The following RUFY3 variants were observed in gnomAD, a reference collection of about 807,000 sequenced individuals.
RUFY3 encodes the protein protein RUFY3.
A neutral mutation model predicts 84.0 loss-of-function variants in RUFY3; 34 were observed. The observed-to-expected ratio is 0.40, with a 90% CI of 0.31 to 0.54. RUFY3 has a LOEUF of 0.54. Ranked by LOEUF, RUFY3 falls within the 20% of genes least tolerant of loss-of-function variation. The probability of loss-of-function intolerance (pLI) is 0.39; values close to 1 mark genes in which losing one functional copy is unlikely to be tolerated. For missense variants in RUFY3, 507 were observed against 736.8 expected, an observed-to-expected ratio of 0.69 and a Z score of 3.61; for synonymous variants, 242 against 252.9, an observed-to-expected ratio of 0.96 and a Z score of 0.41.
upstream of RUFY3, among the ~76,000 whole-genome samples, chr4:70,720,318 G>A (rs144853571): frequency 8.8e-3 from 1,333 of 152,142 alleles, 17 homozygotes; most frequent in African/African-American, 0.03. Flanking sequence ...CAAAGTGCTG[G>A]GATTACAGGC....
chr4:70,765,209 G>GTGTATATA (rs144995233), intron 4 of RUFY3, among the ~76,000 whole-genome samples: 2 of 137,208 alleles, frequency 1.5e-5, no homozygotes, highest in African/African-American at 2.7e-5. Flanking sequence ...AAAAAAATGT[G>GTGTATATA]TATATATATA....
At chr4:70,759,362 GTGTGTGTGTA>G (rs1399940113) in intron 1 of RUFY3, among the ~76,000 whole-genome samples, 244 of 103,328 alleles carry the variant, frequency 2.4e-3, no homozygotes, top group African/African-American at 7.0e-3. Flanking sequence ...GAATTTGTGT[GTGTGTGTGTA>G]TGTGTGTGTG....
rs1327983150 is a variant in RUFY3 at position 70,722,058 on chromosome 4, G to A, written c.-516G>A. ...ATCCCAGCTCATCTGAGCAGATCCT[G>A]GAAGTGATTTCTGCAGCTCAGGATT... On this transcript the variant is annotated 5_prime_UTR_variant, in exon 1 of 18. Transcript: ENST00000381006. 8 of 1,232,004 alleles carry A rather than the reference G, an allele frequency of 6.5e-6. No individual in the cohort carries two copies. Among genetic ancestry groups the A allele is most frequent in the Non-Finnish European group, 8.1e-6 (8 of 987,978 alleles). The allele number at this position is 1,232,004 out of a possible 1,614,324, so 76.3% of individuals were successfully genotyped here. A position where few individuals can be genotyped will look rare whatever the true frequency, so the allele number is the denominator to read the frequency against.
chr4:70,791,474 T>C lies in RUFY3; in HGVS notation c.1337+1882T>C, dbSNP rs573112365. On this transcript the variant is annotated intron_variant, in intron 12 of 17. Transcript: ENST00000381006. ...GGAAATATAGGTTGGGTTTTTTTCTTATTGTTTTCTCCCCAGGGTTAGAAA... is the reference window on the plus strand; with the variant it reads ...GGAAATATAGGTTGGGTTTTTTTCTCATTGTTTTCTCCCCAGGGTTAGAAA... The C allele has an allele frequency of 4.2e-5, 59 of 1,395,188 alleles. No homozygotes were observed. In the South Asian group the frequency reaches 1.1e-3, roughly 26 times the overall value. The allele number at this position is 1,395,188 out of a possible 1,614,324, so 86.4% of individuals were successfully genotyped here. A position where few individuals can be genotyped will look rare whatever the true frequency, so the allele number is the denominator to read the frequency against.
chr4:70,704,856 G>C, exon 1 of RUFY3: 1 of 932,708 alleles, frequency 1.1e-6, no homozygotes, highest in South Asian at 5.3e-5. Context: ...GGGACGGGGC[G>C]GCGGCTCCTC....
intron 9 of RUFY3, 142 bp downstream of exon 9, chr4:70,783,325 A>T (rs1729253537): frequency 1.6e-6 from 1 of 644,284 alleles, no homozygotes; most frequent in East Asian, 2.8e-5. Flanking sequence ...TAATTGTGTG[A>T]TGAAGGTTGT....
exon 1 of RUFY3, chr4:70,705,184 CGCA>C: frequency 6.8e-7 from 1 of 1,462,424 alleles, no homozygotes; most frequent in Non-Finnish European, 9.0e-7. Context: ...CGCCCGCCGC[CGCA>C]GCAGCAGCGC....
intron 8 of RUFY3, among the ~76,000 whole-genome samples, chr4:70,781,320 C>T (rs989209502): frequency 6.6e-6 from 1 of 151,992 alleles, no homozygotes; most frequent in Non-Finnish European, 1.5e-5. Context: ...CCCATCTCTA[C>T]ACCAAAAAAA....
At chr4:70,716,462 G>T (rs1741634016) in intron 1 of RUFY3, among the ~76,000 whole-genome samples, 2 of 151,998 alleles carry the variant, frequency 1.3e-5, no homozygotes, top group Non-Finnish European at 2.9e-5. Context: ...GAAATTTTTT[G>T]TACATGCATT....
chr4:70,765,063 C>T (rs1281802945), intron 4 of RUFY3, among the ~76,000 whole-genome samples: 1 of 151,580 alleles, frequency 6.6e-6, no homozygotes, highest in Non-Finnish European at 1.5e-5. Context: ...CGGTGGACAC[C>T]TGTAATCCCA....
chr4:70,736,274 C>T (rs964068104), intron 1 of RUFY3, among the ~76,000 whole-genome samples: 7 of 151,706 alleles, frequency 4.6e-5, no homozygotes, highest in Non-Finnish European at 1.0e-4. Flanking sequence ...TTGTAAGTCA[C>T]AAGATACAGA....
intron 1 of RUFY3, among the ~76,000 whole-genome samples, chr4:70,724,645 G>A (rs1240019851): frequency 6.6e-6 from 1 of 152,134 alleles, no homozygotes; most frequent in Non-Finnish European, 1.5e-5. Context: ...CAACTATAGA[G>A]GATTTGGAAG....
chr4:70,711,925 C>G (rs2148561210), intron 1 of RUFY3, among the ~76,000 whole-genome samples: 1 of 152,332 alleles, frequency 6.6e-6, no homozygotes, highest in African/African-American at 2.4e-5. Flanking sequence ...CTGCCACCAC[C>G]TTTTTGTTGC....
At chr4:70,709,209 A>AT (rs1740696382) in intron 1 of RUFY3, among the ~76,000 whole-genome samples, 1 of 152,170 alleles carries the variant, frequency 6.6e-6, no homozygotes, top group Non-Finnish European at 1.5e-5. Flanking sequence ...CTTGTTGAGG[A>AT]TTATGTCTCT....
chr4:70,742,715 C>G (rs1721515640), intron 1 of RUFY3, among the ~76,000 whole-genome samples: 1 of 152,116 alleles, frequency 6.6e-6, no homozygotes. Flanking sequence ...TTCTTGGTAT[C>G]CTTAATCAGA....
At chr4:70,720,044 G>T (rs1021827363), upstream of RUFY3, among the ~76,000 whole-genome samples, 2 of 152,068 alleles carry the variant, frequency 1.3e-5, no homozygotes, top group Non-Finnish European at 2.9e-5. Flanking sequence ...CTATATATAT[G>T]CCTTCTTACA....
intron 1 of RUFY3, among the ~76,000 whole-genome samples, chr4:70,731,968 T>C (rs1225880359): frequency 5.3e-5 from 8 of 152,224 alleles, no homozygotes; most frequent in African/African-American, 1.9e-4. Flanking sequence ...TCTCATGCCC[T>C]TCTTTGGATG....
intron 1 of RUFY3, among the ~76,000 whole-genome samples, chr4:70,714,051 G>T (rs1458605683): frequency 6.6e-6 from 1 of 152,136 alleles, no homozygotes; most frequent in Non-Finnish European, 1.5e-5. Context: ...ACTCCGAAAT[G>T]GTTAATATTA....
intron 1 of RUFY3, among the ~76,000 whole-genome samples, chr4:70,714,148 A>C (rs1741310445): frequency 6.6e-6 from 1 of 152,058 alleles, no homozygotes; most frequent in Non-Finnish European, 1.5e-5. Context: ...CCTAGGATTC[A>C]CTGTGAGCAT....
Sources: allele counts gnomAD v4.1 joint callset (sites outside exome capture counted in the v4.1 genomes callset), GRCh38; gene constraint gnomAD v4.1.1; transcripts MANE v1.5; gene names NCBI Gene and HGNC (gene_info 2026-07-23, HGNC 2026-07-21).